Variants in SCYL2 observed in about 807,000 individuals in gnomAD.
SCYL2 encodes SCY1 like pseudokinase 2.
SCYL2 carries 36 observed loss-of-function variants against 100.4 expected under a neutral mutation model. The ratio of observed to expected loss-of-function variants is 0.36; its 90% CI spans 0.27 to 0.47. SCYL2 has a LOEUF of 0.47. Ranked by LOEUF, SCYL2 falls within the 20% of genes least tolerant of loss-of-function variation. SCYL2 has a pLI of 1.00. For missense variants in SCYL2, 902 were observed against 1,083.9 expected, an observed-to-expected ratio of 0.83 and a Z score of 2.36; for synonymous variants, 330 against 359.2, an observed-to-expected ratio of 0.92 and a Z score of 0.92.
rs1952323826 is a variant in SCYL2, at chr12:100,339,298, C to G, written c.*126C>G. ...AAGTGAACAGTTCTGTGACAGGAAA[C>G]ATCTCTGTCCATGCCAGCATAGTAG... On this transcript the variant is annotated 3_prime_UTR_variant, in exon 18 of 18. Transcript: ENST00000360820. 5.7e-6 allele frequency: 5 copies of G among 881,130 alleles called. No individual in the cohort carries two copies. Among genetic ancestry groups the G allele is most frequent in the Non-Finnish European group, 8.6e-6 (5 of 584,100 alleles). 54.6% of individuals were successfully genotyped at this position (881,130 alleles called of 1,614,324 possible).
intron 4 of SCYL2, 123 bp from the exon 5 acceptor site, chr12:100,310,921 A>G: frequency 1.1e-6 from 1 of 917,220 alleles, no homozygotes; most frequent in East Asian, 3.0e-5. Context: ...ATGAAATTTG[A>G]TTTTTAGCTG....
In SCYL2 at chr12:100,295,533, C is replaced by CA. The variant is rs945944437; in HGVS notation, c.336-2490dup. On this transcript the variant is annotated intron_variant, in intron 3 of 17. Transcript: ENST00000360820. ...CAACACAGCGAAACCCCGTCTCCAC[C>CA]AAAAAAAATACGAAAACCAGTCAGG... is the stretch of plus-strand genomic sequence containing the variant. Among the ~76,000 whole-genome samples the CA allele has an allele frequency of 6.6e-5, 10 of 151,378 alleles. No individual in the cohort carries two copies. The East Asian group carries it at 1.9e-3, about 29-fold the overall frequency.
In SCYL2 at chr12:100,311,005, A is replaced by G. The variant is rs751268880; in HGVS notation, c.481-39A>G. On this transcript the variant is annotated intron_variant, in intron 4 of 17. Coordinates refer to ENST00000360820, the MANE Select transcript of SCYL2 (RefSeq NM_017988.6). ...GAGACATTTTATTATAATTGAAAGGAGTTTTATTTAGTGTAAAATGTGTTT... is the reference window on the plus strand; with the variant it reads ...GAGACATTTTATTATAATTGAAAGGGGTTTTATTTAGTGTAAAATGTGTTT... 2.1e-6 allele frequency: 3 copies of G among 1,435,632 alleles called. No homozygotes were observed. The Admixed American group carries it at 7.8e-5, about 37-fold the overall frequency. The allele number at this position is 1,435,632 out of a possible 1,614,324, so 88.9% of individuals were successfully genotyped here.
chr12:100,338,463 A>C, intron 17 of SCYL2, 65 bp from the exon 18 acceptor site: 1 of 1,300,726 alleles, frequency 7.7e-7, no homozygotes, highest in Non-Finnish European at 1.0e-6. Context: ...AATCTGTCAA[A>C]TGTTTACTAA....
intron 3 of SCYL2, chr12:100,292,134 G>A (rs1277101378): frequency 6.5e-6 from 1 of 152,704 alleles, no homozygotes; most frequent in African/African-American, 2.4e-5. Flanking sequence ...TTTCTCAAGG[G>A]TGAGCTTGGG....
intron 17 of SCYL2, 114 bp from the exon 18 acceptor site, chr12:100,338,414 A>G (rs960356293): frequency 3.3e-6 from 3 of 899,818 alleles, no homozygotes; most frequent in Admixed American, 2.9e-5. Context: ...AATTTGGTGT[A>G]GACCATTGAG....
At chr12:100,316,188 A>C (rs1236753850) in intron 9 of SCYL2, among the ~76,000 whole-genome samples, 1 of 152,254 alleles carries the variant, frequency 6.6e-6, no homozygotes, top group Non-Finnish European at 1.5e-5. Flanking sequence ...CTTCCACTAG[A>C]ATAGGAAAAT....
At chr12:100,269,609 G>T (rs1308314946) in intron 1 of SCYL2, among the ~76,000 whole-genome samples, 1 of 152,060 alleles carries the variant, frequency 6.6e-6, no homozygotes. Flanking sequence ...ATCACTTGAG[G>T]TATAGCTAGC....
chr12:100,303,192 A>G (rs1389052513), intron 4 of SCYL2, among the ~76,000 whole-genome samples: 1 of 152,130 alleles, frequency 6.6e-6, no homozygotes, highest in Non-Finnish European at 1.5e-5. Context: ...GGGTTAGAAC[A>G]TGCTCCTTTA....
chr12:100,326,553 T>C, intron 11 of SCYL2, 69 bp from the exon 12 acceptor site: 1 of 1,131,472 alleles, frequency 8.8e-7, no homozygotes, highest in Non-Finnish European at 1.2e-6. Flanking sequence ...AGATTAAGTT[T>C]ACACTTAAAT....
At chr12:100,314,741 C>A in intron 8 of SCYL2, 127 bp downstream of exon 8, 1 of 947,142 alleles carries the variant, frequency 1.1e-6, no homozygotes, top group Non-Finnish European at 1.6e-6. Context: ...GACTATAAAA[C>A]ACTGCCAACT....
intron 10 of SCYL2, among the ~76,000 whole-genome samples, chr12:100,321,086 C>T (rs1024378349): frequency 1.1e-4 from 16 of 152,302 alleles, no homozygotes; most frequent in Non-Finnish European, 1.9e-4. Context: ...CAGGAACATA[C>T]ACCACCATGC....
At chr12:100,315,518 A>AATT (rs771481588) in intron 8 of SCYL2, 40 bp from the exon 9 acceptor site, 25 of 1,530,270 alleles carry the variant, frequency 1.6e-5, no homozygotes, top group Non-Finnish European at 2.1e-5. Context: ...AACCTTTAAT[A>AATT]AATTTTATTT....
chr12:100,317,708 T>C (rs1328860907), intron 9 of SCYL2, 95 bp from the exon 10 acceptor site: 2 of 1,439,418 alleles, frequency 1.4e-6, no homozygotes, highest in Non-Finnish European at 1.8e-6. Context: ...TGTCAAAATA[T>C]ATGAGTTATT....
At chr12:100,317,170 T>C (rs1480419860) in intron 9 of SCYL2, among the ~76,000 whole-genome samples, 5 of 152,130 alleles carry the variant, frequency 3.3e-5, no homozygotes, top group Non-Finnish European at 7.3e-5. Flanking sequence ...AATTTCTGTA[T>C]AAATAGAAGG....
chr12:100,329,416 G>A, intron 13 of SCYL2, 97 bp downstream of exon 13: 3 of 603,586 alleles, frequency 5.0e-6, no homozygotes, highest in Non-Finnish European at 3.0e-6. Flanking sequence ...AAAAAAAAAA[G>A]GGTGAGGGGA....
chr12:100,293,724 A>G (rs1361443264), intron 3 of SCYL2, among the ~76,000 whole-genome samples: 1 of 151,908 alleles, frequency 6.6e-6, no homozygotes, highest in East Asian at 1.9e-4. Flanking sequence ...GGGAGTGGTG[A>G]CGACTCTTAA....
rs553490428 is a variant in SCYL2, at chr12:100,341,371, G to C, written c.*2199G>C. The C allele has an allele frequency of 6.6e-6, 1 of 152,082 alleles. No homozygotes were observed. Among genetic ancestry groups the C allele is most frequent in the Non-Finnish European group, 1.5e-5 (1 of 67,988 alleles). 9.4% of individuals were successfully genotyped at this position (152,082 alleles called of 1,614,324 possible). On this transcript the variant is annotated 3_prime_UTR_variant, in exon 18 of 18. Transcript: ENST00000360820. ...AAGACAATTAAGTCCGTTATGTTTA[G>C]AGTAGAAAATGTTTAGGTTAAAGAG...
chr12:100,331,653 T>A (rs182659407), intron 13 of SCYL2, among the ~76,000 whole-genome samples: 1 of 151,836 alleles, frequency 6.6e-6, no homozygotes, highest in Non-Finnish European at 1.5e-5. Context: ...GCTTAGTGGG[T>A]TTTTTTTGGG....
Sources: allele counts gnomAD v4.1 joint callset (sites outside exome capture counted in the v4.1 genomes callset), GRCh38; gene constraint gnomAD v4.1.1; transcripts MANE v1.5; gene names NCBI Gene and HGNC (gene_info 2026-07-23, HGNC 2026-07-21).